Variants in NALCN observed in about 807,000 individuals in gnomAD.
The protein encoded by NALCN is sodium leak channel, non-selective.
NALCN carries 111 observed loss-of-function variants against 225.3 expected under a neutral mutation model. The ratio of observed to expected loss-of-function variants is 0.49; its 90% CI spans 0.42 to 0.58. The LOEUF (loss-of-function observed/expected upper bound fraction) is 0.58, where lower values mean the gene tolerates loss of function less well. Ranked by LOEUF, NALCN falls within the 20% of genes least tolerant of loss-of-function variation. The pLI, the probability that NALCN is intolerant of heterozygous loss-of-function variation, is 0.00. For synonymous variants in NALCN, 764 were observed against 769.0 expected, an observed-to-expected ratio of 0.99 and a Z score of 0.11; for missense variants, 1,378 against 2,202.4, an observed-to-expected ratio of 0.63 and a Z score of 7.49.
chr13:101,350,258 T>G (rs190083260), intron 6 of NALCN, among the ~76,000 whole-genome samples: 1 of 152,272 alleles, frequency 6.6e-6, no homozygotes, highest in East Asian at 1.9e-4. Flanking sequence ...AACACCCCTT[T>G]GTACCCCCTT....
intron 26 of NALCN, 71 bp downstream of exon 26, chr13:101,103,101 C>T (rs1205258845): frequency 2.0e-6 from 3 of 1,538,104 alleles, no homozygotes; most frequent in African/African-American, 2.8e-5. Context: ...AAGCAAGACT[C>T]ACTTTTCCCT....
chr13:101,079,084 C>T (rs2033453424), intron 34 of NALCN, among the ~76,000 whole-genome samples: 1 of 152,170 alleles, frequency 6.6e-6, no homozygotes, highest in Non-Finnish European at 1.5e-5. Flanking sequence ...TTGTAAGTTG[C>T]CTGGGGCCTT....
chr13:101,345,859 G>C (rs541787134), intron 6 of NALCN, among the ~76,000 whole-genome samples: 3 of 145,424 alleles, frequency 2.1e-5, no homozygotes, highest in African/African-American at 7.6e-5. Flanking sequence ...GACAAGCATT[G>C]TTGATGAGGT....
At chr13:101,283,691 T>C (rs1484510291) in intron 10 of NALCN, among the ~76,000 whole-genome samples, 1 of 152,072 alleles carries the variant, frequency 6.6e-6, no homozygotes, top group Non-Finnish European at 1.5e-5. Context: ...CTTCATTGAT[T>C]CAATACCACT....
chr13:101,176,853 C>G (rs1289554851), intron 14 of NALCN, among the ~76,000 whole-genome samples: 1 of 152,226 alleles, frequency 6.6e-6, no homozygotes, highest in East Asian at 1.9e-4. Context: ...GGTAGCTACT[C>G]TTCAAGATGG....
Position 101,074,257 on chromosome 13 carries a change from G to A in NALCN, c.4103+257C>T, listed in dbSNP as rs915934266. ...TTAGGAGTGATGATTACTGAATGTT[G>A]GTGGAATTATAGATTCTTTTTGTTT... On this transcript the variant is annotated intron_variant, in intron 36 of 43. Transcript: ENST00000251127. 3.3e-5 allele frequency among the ~76,000 whole-genome samples: 5 copies of A among 152,044 alleles called. No homozygotes were observed. The South Asian group carries it at 6.3e-4, about 19-fold the overall frequency.
chr13:101,232,687 C>A (rs754250584), intron 12 of NALCN, among the ~76,000 whole-genome samples: 18 of 152,012 alleles, frequency 1.2e-4, no homozygotes, highest in Non-Finnish European at 4.4e-5. Context: ...ACCTCGTGAT[C>A]CGCCTGCCTC....
chr13:101,103,270 C>T lies in NALCN; in HGVS notation c.2959G>A (p.Val987Ile). The change falls in exon 26 of 44, where the codon GTC (valine) becomes ATC (isoleucine). Residue 987 changes from valine (V) to isoleucine (I), a missense_variant. Val to Ile is a conservative substitution (Grantham distance 29). This residue lies in a region of NALCN where 292 missense variants were observed against 409.5 expected (regional missense o/e 0.71). Transcript: ENST00000251127. ...CGCAGAGGTCTCAGGCACCGAAGGACCATTAGAAGCTGAGCTCCCGATTCA... is the reference window on the plus strand; with the variant it reads ...CGCAGAGGTCTCAGGCACCGAAGGATCATTAGAAGCTGAGCTCCCGATTCA... ...PAESGAQLLMVLRCLRPLRIF... is the reference protein window; with the variant it reads ...PAESGAQLLMILRCLRPLRIF... 6.2e-7 allele frequency: 1 copy of T among 1,613,956 alleles called. No individual in the cohort carries two copies.
Position 101,075,955 on chromosome 13 carries a change from A to G in NALCN, c.3886-14T>C. On this transcript the variant is annotated splice_polypyrimidine_tract_variant and intron_variant, in intron 34 of 43. Transcript: ENST00000251127. ...AGTATATGCATTCTGAAATTTAAACAGAAGACAGCTTCTCATAATTTGCAC... is the reference window on the plus strand; with the variant it reads ...AGTATATGCATTCTGAAATTTAAACGGAAGACAGCTTCTCATAATTTGCAC... The G allele has an allele frequency of 6.2e-7, 1 of 1,603,426 alleles. No individual in the cohort carries two copies. Among genetic ancestry groups the G allele is most frequent in the Non-Finnish European group, 8.5e-7 (1 of 1,176,318 alleles).
rs199609491 is a variant in NALCN, at chr13:101,253,028, AT to A, written c.1266+5414del. Among the ~76,000 whole-genome samples, 1,350 of 152,206 alleles carry A rather than the reference AT, an allele frequency of 8.9e-3. 15 individuals carry two copies. Among genetic ancestry groups the A allele is most frequent in the Admixed American group, 0.018 (268 of 15,284 alleles). On this transcript the variant is annotated intron_variant, in intron 11 of 43. Coordinates refer to ENST00000251127, the MANE Select transcript of NALCN (RefSeq NM_052867.4). ...ATATTTTATTTCTTAAGAAAATAAT[AT>A]ATATTTTAAAATGTAATCATGTTCA... is the stretch of plus-strand genomic sequence containing the variant.
chr13:101,368,978 C>G, intron 6 of NALCN: 1 of 353,604 alleles, frequency 2.8e-6, no homozygotes, highest in East Asian at 1.0e-4. Context: ...TGCACTCCAG[C>G]CTGGGTGTCA....
At chr13:101,098,578 C>T (rs916284684) in intron 27 of NALCN, among the ~76,000 whole-genome samples, 1 of 152,208 alleles carries the variant, frequency 6.6e-6, no homozygotes, top group Non-Finnish European at 1.5e-5. Context: ...CAGCCTCATA[C>T]AAGAAAACAC....
rs141596606 is a variant in NALCN, at chr13:101,292,023, C to T, written c.1014G>A (p.Ser338=). 1.2e-5 allele frequency: 19 copies of T among 1,613,896 alleles called. No homozygotes were observed. The highest frequency in any genetic ancestry group is 3.3e-4 in the Middle Eastern group (2 of 6,082). ...IRVQFQQMWG[S]RSSTTSTATT... ...TGGCTGTTGAGGTAGTGCTGCTTCTCGATCCCCACATTTGTTGAAACTGTA... is the reference window on the plus strand; with the variant it reads ...TGGCTGTTGAGGTAGTGCTGCTTCTTGATCCCCACATTTGTTGAAACTGTA... Residue 338 remains serine, a synonymous_variant, in exon 9 of 44, where the codon TCG becomes TCA. Transcript: ENST00000251127. The surrounding 1 kb of genome is among the most constrained non-coding windows in gnomAD (Gnocchi z 4.3).
At chr13:101,197,596 G>A (rs1317810091) in intron 13 of NALCN, among the ~76,000 whole-genome samples, 10 of 152,020 alleles carry the variant, frequency 6.6e-5, no homozygotes, top group Non-Finnish European at 1.3e-4. Flanking sequence ...ATCACTATAC[G>A]GGTCAATCAC....
At chr13:101,200,924 T>C (rs1348842219) in intron 13 of NALCN, among the ~76,000 whole-genome samples, 1 of 152,206 alleles carries the variant, frequency 6.6e-6, no homozygotes, top group Non-Finnish European at 1.5e-5. Flanking sequence ...TGGATATCAA[T>C]TTAAGTTCAA....
chr13:101,206,123 C>T (rs983824445), intron 13 of NALCN, among the ~76,000 whole-genome samples: 2 of 151,996 alleles, frequency 1.3e-5, no homozygotes, highest in Non-Finnish European at 2.9e-5. Flanking sequence ...ACTATTTTCT[C>T]TGCTCATTTC....
rs1594132898 is a variant in NALCN, at chr13:101,068,103, C to A, written c.4331-70G>T. On this transcript the variant is annotated intron_variant, in intron 38 of 43. Coordinates refer to ENST00000251127, the MANE Select transcript of NALCN (RefSeq NM_052867.4). ...CTGTCATATTTTAGAAAGAGTAAAA[C>A]ATCTATTATTAATAATGGATTCTAT... The A allele has an allele frequency of 5.4e-6, 5 of 931,752 alleles. No homozygotes were observed. The Admixed American group carries it at 1.4e-4, about 26-fold the overall frequency. 57.7% of individuals were successfully genotyped at this position (931,752 alleles called of 1,614,324 possible). A position where few individuals can be genotyped will look rare whatever the true frequency, so the allele number is the denominator to read the frequency against.
At chr13:101,367,252 T>C (rs1170824308) in intron 6 of NALCN, among the ~76,000 whole-genome samples, 6 of 152,084 alleles carry the variant, frequency 3.9e-5, no homozygotes, top group African/African-American at 1.4e-4. Flanking sequence ...TACATCCTAG[T>C]ACTCTATTAC....
chr13:101,339,962 T>C (rs956868443), intron 7 of NALCN, among the ~76,000 whole-genome samples: 4 of 152,166 alleles, frequency 2.6e-5, no homozygotes, highest in African/African-American at 7.2e-5. Context: ...ATAGGCAAGA[T>C]GCAAGGTTAA....
Sources: allele counts gnomAD v4.1 joint callset (sites outside exome capture counted in the v4.1 genomes callset), GRCh38; gene constraint gnomAD v4.1.1; regional missense constraint gnomAD v4.1.1; non-coding constraint Gnocchi (gnomAD v3.1); transcripts MANE v1.5; gene names NCBI Gene and HGNC (gene_info 2026-07-23, HGNC 2026-07-21).